Variants in ULK4 observed in about 807,000 individuals in gnomAD.
The protein encoded by ULK4 is unc-51 like kinase 4, also known as inactive serine/threonine-protein kinase ULK4.
A neutral mutation model predicts 160.6 loss-of-function variants in ULK4; 133 were observed. That is an observed-to-expected ratio of 0.83 (90% CI 0.72 to 0.96). The LOEUF (loss-of-function observed/expected upper bound fraction) is 0.96, where lower values mean the gene tolerates loss of function less well. Among genes scored for constraint, ULK4 ranks in the 40% least tolerant of loss-of-function variants. The pLI, the probability that ULK4 is intolerant of heterozygous loss-of-function variation, is 0.00. For synonymous variants in ULK4, 534 were observed against 539.8 expected (o/e 0.99, Z 0.15); for missense variants, 1,580 against 1,499.5 (o/e 1.05, Z -0.89).
At chr3:41,563,482 C>A (rs985994593) in intron 32 of ULK4, among the ~76,000 whole-genome samples, 1 of 152,162 alleles carries the variant, frequency 6.6e-6, no homozygotes, top group Admixed American at 6.5e-5. Flanking sequence ...CTCCCCGTCA[C>A]GTTCAGGTAC....
chr3:41,262,560 C>T (rs1324240260), intron 35 of ULK4, among the ~76,000 whole-genome samples: 1 of 152,156 alleles, frequency 6.6e-6, no homozygotes, highest in Non-Finnish European at 1.5e-5. Context: ...CTCCATTCAC[C>T]TCTCTTGCCC....
At chr3:41,534,736 A>G (rs2086437144) in intron 32 of ULK4, among the ~76,000 whole-genome samples, 1 of 152,178 alleles carries the variant, frequency 6.6e-6, no homozygotes, top group East Asian at 1.9e-4. Flanking sequence ...ACTAAGAAAG[A>G]AAACATGCTA....
intron 30 of ULK4, among the ~76,000 whole-genome samples, chr3:41,617,030 T>A (rs1423941656): frequency 6.6e-6 from 1 of 152,194 alleles, no homozygotes; most frequent in Non-Finnish European, 1.5e-5. Context: ...GCAAAGCAGC[T>A]GTGGCCAGAC....
chr3:41,630,072 G>A (rs1338457618), intron 30 of ULK4, among the ~76,000 whole-genome samples: 4 of 152,166 alleles, frequency 2.6e-5, no homozygotes, highest in Non-Finnish European at 5.9e-5. Flanking sequence ...AGCAATCTAA[G>A]GGGGACACCA....
rs1417529949 is a variant in ULK4, at chr3:41,542,499, T to C, written c.3226+23526A>G. On this transcript the variant is annotated intron_variant, in intron 32 of 36. Transcript: ENST00000301831. ...AAATTTTCTTTTTTTGTTTTGTCTT[T>C]GCCAGGTTTTGGTATCAGGATGATG... 2.0e-5 allele frequency among the ~76,000 whole-genome samples: 3 copies of C among 152,206 alleles called. No homozygotes were observed. In the East Asian group the frequency reaches 5.8e-4, roughly 29 times the overall value.
At chr3:41,492,874 C>G (rs1049094182) in intron 32 of ULK4, among the ~76,000 whole-genome samples, 3 of 141,896 alleles carry the variant, frequency 2.1e-5, no homozygotes, top group Admixed American at 7.3e-5. Context: ...ACAAGAAGAG[C>G]TAACTATCCT....
chr3:41,793,160 T>G (rs1353478445), intron 20 of ULK4, among the ~76,000 whole-genome samples: 1 of 142,712 alleles, frequency 7.0e-6, no homozygotes, highest in Non-Finnish European at 1.5e-5. Flanking sequence ...GCAACAAGAG[T>G]GAAACTCCAT....
At chr3:41,507,020 A>G (rs2085417986) in intron 32 of ULK4, among the ~76,000 whole-genome samples, 2 of 150,126 alleles carry the variant, frequency 1.3e-5, no homozygotes, top group Non-Finnish European at 3.0e-5. Flanking sequence ...ACATATGTAC[A>G]TATTTGCTAT....
chr3:41,841,425 C>A (rs2041924346), intron 17 of ULK4, among the ~76,000 whole-genome samples: 1 of 150,168 alleles, frequency 6.7e-6, no homozygotes. Context: ...GCCCGGCCGC[C>A]CCGTCTGGGA....
intron 18 of ULK4, among the ~76,000 whole-genome samples, chr3:41,824,509 G>A (rs1401398311): frequency 1.3e-5 from 2 of 152,202 alleles, no homozygotes; most frequent in African/African-American, 2.4e-5. Flanking sequence ...CAGCACACCA[G>A]GAGATTATAT....
chr3:41,481,810 G>C (rs1158188047), intron 32 of ULK4, among the ~76,000 whole-genome samples: 1 of 124,252 alleles, frequency 8.0e-6, no homozygotes, highest in Non-Finnish European at 1.6e-5. Flanking sequence ...CTGGGCGACA[G>C]AGCGAGACTC....
chr3:41,601,724 G>T (rs941047448), intron 31 of ULK4, among the ~76,000 whole-genome samples: 57 of 152,132 alleles, frequency 3.7e-4, no homozygotes, highest in African/African-American at 1.4e-3. Context: ...GAACACACTT[G>T]AATTAAGAGA....
At chr3:41,301,279 C>T (rs1649200491) in intron 35 of ULK4, among the ~76,000 whole-genome samples, 1 of 152,028 alleles carries the variant, frequency 6.6e-6, no homozygotes, top group Non-Finnish European at 1.5e-5. Flanking sequence ...TCTTAACCAG[C>T]TGGCATTTTA....
At chr3:41,886,555 C>T (rs919799578) in intron 16 of ULK4, among the ~76,000 whole-genome samples, 1 of 151,244 alleles carries the variant, frequency 6.6e-6, no homozygotes, top group African/African-American at 2.4e-5. Flanking sequence ...ATATGACGTA[C>T]AGAAGATATA....
intron 32 of ULK4, among the ~76,000 whole-genome samples, chr3:41,496,615 G>C (rs2085001161): frequency 1.3e-5 from 2 of 152,050 alleles, no homozygotes; most frequent in Non-Finnish European, 2.9e-5. Context: ...GCTCAGAAAG[G>C]ACATCAGAAA....
rs1192740539 is a variant in ULK4, at chr3:41,844,384, A to G, written c.1657-8413T>C. On this transcript the variant is annotated intron_variant, in intron 17 of 36. Transcript: ENST00000301831. ...GTGGGCCGGCACTGCTGAGGGACCC[A>G]GCACACCCTCCGCAGCCGCTGGCCC... Among the ~76,000 whole-genome samples the G allele has an allele frequency of 2.0e-5, 3 of 152,268 alleles. No individual in the cohort carries two copies. The East Asian group carries it at 5.8e-4, about 29-fold the overall frequency.
At chr3:41,328,501 C>G (rs189319338) in intron 35 of ULK4, among the ~76,000 whole-genome samples, 1 of 151,990 alleles carries the variant, frequency 6.6e-6, no homozygotes, top group African/African-American at 2.4e-5. Context: ...GAGGCAAGAG[C>G]AGAGAGAGGT....
chr3:41,930,436 C>A (rs748477533), intron 5 of ULK4, among the ~76,000 whole-genome samples: 1 of 152,128 alleles, frequency 6.6e-6, no homozygotes, highest in Non-Finnish European at 1.5e-5. Flanking sequence ...TGGGCAAATA[C>A]TTCATGACTA....
intron 34 of ULK4, among the ~76,000 whole-genome samples, chr3:41,405,369 A>G (rs751287816): frequency 1.3e-5 from 2 of 152,074 alleles, no homozygotes; most frequent in African/African-American, 4.8e-5. Context: ...TCTTTATCCA[A>G]TCCACTGTTG....
Sources: gnomAD v4.1 joint callset for allele counts (sites outside exome capture counted in the v4.1 genomes callset) on GRCh38, gnomAD v4.1.1 for gene constraint, MANE v1.5 for transcripts, NCBI Gene and HGNC (gene_info 2026-07-23, HGNC 2026-07-21) for gene names.